AFG2A: variants seen among roughly 807,000 people sequenced by gnomAD.
AFG2A encodes the protein ATPase family gene 2 protein homolog A.
chr4:122,966,356 A>G, the AFG2A span, among the ~76,000 whole-genome samples: 1 of 152,116 alleles, frequency 6.6e-6, no homozygotes, highest in African/African-American at 2.4e-5. Context: ...ATACCTACAA[A>G]CGAAGTAATA....
At chr4:123,307,605 T>G in the AFG2A span, among the ~76,000 whole-genome samples, 1 of 152,200 alleles carries the variant, frequency 6.6e-6, no homozygotes, top group African/African-American at 2.4e-5. Flanking sequence ...CTTAGGTTAG[T>G]TTCATCAAGT....
the AFG2A span, among the ~76,000 whole-genome samples, chr4:123,147,645 A>AT: frequency 6.6e-6 from 1 of 151,982 alleles, no homozygotes; most frequent in African/African-American, 2.4e-5. Context: ...TATTCCACAA[A>AT]TTTTTTTTAG....
At chr4:122,928,479 T>C in the AFG2A span, among the ~76,000 whole-genome samples, 1 of 152,174 alleles carries the variant, frequency 6.6e-6, no homozygotes, top group African/African-American at 2.4e-5. Flanking sequence ...TCCTATTCTT[T>C]TCATTTTTCT....
chr4:123,187,957 C>CACTGT, the AFG2A span, among the ~76,000 whole-genome samples: 1 of 150,380 alleles, frequency 6.6e-6, no homozygotes, highest in African/African-American at 2.5e-5. Flanking sequence ...ATGATCATAC[C>CACTGT]ACTGTACTTT....
At chr4:123,236,275 C>A in the AFG2A span, among the ~76,000 whole-genome samples, 2 of 152,184 alleles carry the variant, frequency 1.3e-5, no homozygotes, top group African/African-American at 4.8e-5. Flanking sequence ...CATATACATT[C>A]CAACCCATAA....
the AFG2A span, among the ~76,000 whole-genome samples, chr4:122,958,609 C>T: frequency 2.0e-5 from 3 of 152,020 alleles, no homozygotes; most frequent in Admixed American, 6.5e-5. Flanking sequence ...TTACTAAACT[C>T]GGTTACTGAA....
At chr4:123,017,414 A>ATTTTTTTTTTT in the AFG2A span, among the ~76,000 whole-genome samples, 3 of 74,718 alleles carry the variant, frequency 4.0e-5, no homozygotes, top group African/African-American at 2.1e-4. Context: ...AGCATGGGAA[A>ATTTTTTTTTTT]TTTTTTTTTT....
chr4:123,117,845 G>T, the AFG2A span, among the ~76,000 whole-genome samples: 1 of 146,496 alleles, frequency 6.8e-6, no homozygotes, highest in African/African-American at 2.4e-5. Context: ...AAGTCCTTGG[G>T]GTTATTTTTT....
At chr4:123,153,743 G>T in the AFG2A span, among the ~76,000 whole-genome samples, 3 of 151,912 alleles carry the variant, frequency 2.0e-5, no homozygotes, top group African/African-American at 4.8e-5. Context: ...CCACAGTAGG[G>T]CATATCCTAA....
the AFG2A span, among the ~76,000 whole-genome samples, chr4:123,125,436 A>G: frequency 0.011 from 1,660 of 152,256 alleles, 23 homozygotes; most frequent in African/African-American, 0.036. Flanking sequence ...AGAGAAGGAC[A>G]TTTTTTGCCT....
chr4:122,984,122 G>A, the AFG2A span, among the ~76,000 whole-genome samples: 7 of 152,278 alleles, frequency 4.6e-5, 1 homozygote, highest in South Asian at 8.3e-4. Context: ...CATTTGTGTC[G>A]TGTATTTCTT....
At chr4:123,315,554 G>A in the AFG2A span, 1 of 152,046 alleles carries the variant, frequency 6.6e-6, no homozygotes, top group Admixed American at 6.6e-5. Flanking sequence ...TATGCTTCTT[G>A]TTATTTATCC....
chr4:122,925,839 G>T, the AFG2A span, among the ~76,000 whole-genome samples: 1 of 152,202 alleles, frequency 6.6e-6, no homozygotes, highest in Non-Finnish European at 1.5e-5. Flanking sequence ...GTGAACAAAA[G>T]TGCCTAGCAT....
At chr4:122,978,272 G>A in the AFG2A span, among the ~76,000 whole-genome samples, 47 of 151,516 alleles carry the variant, frequency 3.1e-4, no homozygotes, top group African/African-American at 1.0e-3. Context: ...ACTTCTCAGC[G>A]GAGAGGAGAC....
At chr4:123,006,104 G>GTTT in the AFG2A span, among the ~76,000 whole-genome samples, 167 of 148,446 alleles carry the variant, frequency 1.1e-3, no homozygotes, top group Middle Eastern at 3.5e-3. Context: ...AACTTCTTCA[G>GTTT]TTTTTTTTTT....
At chr4:123,152,625 T>TG in the AFG2A span, among the ~76,000 whole-genome samples, 1 of 152,170 alleles carries the variant, frequency 6.6e-6, no homozygotes, top group African/African-American at 2.4e-5. Flanking sequence ...CTGGCAAGGA[T>TG]GTGGAGCATC....
chr4:123,311,438 T>C, the AFG2A span, among the ~76,000 whole-genome samples: 3 of 151,950 alleles, frequency 2.0e-5, no homozygotes, highest in Non-Finnish European at 4.4e-5. Flanking sequence ...CCATCCTGGC[T>C]AATATGGTGA....
At chr4:123,312,056 A>G in the AFG2A span, among the ~76,000 whole-genome samples, 1 of 152,208 alleles carries the variant, frequency 6.6e-6, no homozygotes, top group Non-Finnish European at 1.5e-5. Flanking sequence ...CCACCATGGT[A>G]CACATGCTCA....
the AFG2A span, among the ~76,000 whole-genome samples, chr4:123,040,325 C>G: frequency 6.6e-6 from 1 of 152,016 alleles, no homozygotes; most frequent in Non-Finnish European, 1.5e-5. Flanking sequence ...CAAAAGTGAA[C>G]TCTTTCAAAT....
Sources: allele counts gnomAD v4.1 joint callset (sites outside exome capture counted in the v4.1 genomes callset), GRCh38; gene constraint gnomAD v4.1.1; transcripts MANE v1.5; gene names NCBI Gene and HGNC (gene_info 2026-07-23, HGNC 2026-07-21).